TMEM117: variants seen among roughly 807,000 people sequenced by gnomAD.
TMEM117 encodes transmembrane protein 117.
A neutral mutation model predicts 52.4 loss-of-function variants in TMEM117; 27 were observed. The ratio of observed to expected loss-of-function variants is 0.51; its 90% CI spans 0.38 to 0.71. The LOEUF (loss-of-function observed/expected upper bound fraction) is 0.71. Among genes scored for constraint, TMEM117 ranks in the 30% least tolerant of loss-of-function variants. The probability of loss-of-function intolerance (pLI) is 0.00; values close to 1 mark genes in which losing one functional copy is unlikely to be tolerated. For synonymous variants in TMEM117, 215 were observed against 206.3 expected (o/e 1.04, Z -0.36); for missense variants, 556 against 630.5 (o/e 0.88, Z 1.26).
At chr12:44,143,356 A>G (rs932748647) in intron 3 of TMEM117, among the ~76,000 whole-genome samples, 169 bp from the exon 4 acceptor site, 2 of 152,146 alleles carry the variant, frequency 1.3e-5, no homozygotes, top group Non-Finnish European at 2.9e-5. Flanking sequence ...TGACCCAGAC[A>G]CCCTGAGAGC....
chr12:43,798,508 T>C, the TMEM117 span: 1 of 1,446,268 alleles, frequency 6.9e-7, no homozygotes, highest in Non-Finnish European at 9.1e-7. Context: ...ATGGAGATTC[T>C]ACAGCATAAA....
intron 4 of TMEM117, among the ~76,000 whole-genome samples, chr12:44,147,091 A>C (rs1455566446): frequency 6.6e-6 from 1 of 152,184 alleles, no homozygotes; most frequent in Admixed American, 6.5e-5. Flanking sequence ...CTCAGGGTTA[A>C]GGGTACTAAT....
At chr12:43,940,439 A>T (rs569851629) in intron 2 of TMEM117, among the ~76,000 whole-genome samples, 2 of 152,216 alleles carry the variant, frequency 1.3e-5, no homozygotes, top group African/African-American at 4.8e-5. Flanking sequence ...TGGTGAAGAG[A>T]ACACAGCAGC....
At chr12:44,092,410 G>A (rs947523736) in intron 3 of TMEM117, among the ~76,000 whole-genome samples, 1 of 152,176 alleles carries the variant, frequency 6.6e-6, no homozygotes, top group Non-Finnish European at 1.5e-5. Context: ...ATCAGAGCTT[G>A]ACATTTAGAA....
At chr12:44,215,966 G>C (rs1445003670) in intron 5 of TMEM117, among the ~76,000 whole-genome samples, 2 of 150,444 alleles carry the variant, frequency 1.3e-5, no homozygotes, top group Non-Finnish European at 3.0e-5. Context: ...TATTCAATGA[G>C]ATGCACTGAA....
intron 5 of TMEM117, among the ~76,000 whole-genome samples, chr12:44,230,466 T>A (rs968487663): frequency 3.9e-5 from 6 of 152,038 alleles, no homozygotes; most frequent in Non-Finnish European, 5.9e-5. Context: ...TTTTCATTAC[T>A]GTGGAATCAG....
At chr12:44,203,205 A>C (rs1452596938) in intron 4 of TMEM117, among the ~76,000 whole-genome samples, 1 of 152,184 alleles carries the variant, frequency 6.6e-6, no homozygotes, top group African/African-American at 2.4e-5. Flanking sequence ...ATATGTTACC[A>C]GGAATTTATC....
intron 2 of TMEM117, among the ~76,000 whole-genome samples, chr12:43,894,253 G>A (rs1017081778): frequency 1.3e-5 from 2 of 152,102 alleles, no homozygotes; most frequent in Admixed American, 6.5e-5. Flanking sequence ...CATTTTCAAG[G>A]TGTTGGTTGG....
intron 7 of TMEM117, 49 bp downstream of exon 7, chr12:44,376,773 G>A: frequency 6.5e-7 from 1 of 1,535,044 alleles, no homozygotes; most frequent in Non-Finnish European, 8.8e-7. Flanking sequence ...ACATTAGTTA[G>A]GGTAATGCTA....
At chr12:43,978,736 T>G (rs1018323482) in intron 3 of TMEM117, among the ~76,000 whole-genome samples, 1 of 152,292 alleles carries the variant, frequency 6.6e-6, no homozygotes, top group East Asian at 1.9e-4. Context: ...GAAGTAATTC[T>G]TATGACATCA....
intron 3 of TMEM117, among the ~76,000 whole-genome samples, chr12:43,957,808 T>C (rs568551116): frequency 1.3e-5 from 2 of 152,366 alleles, no homozygotes; most frequent in East Asian, 3.9e-4. Flanking sequence ...AAAGGCTTGC[T>C]TGGTCTTTTC....
intron 2 of TMEM117, among the ~76,000 whole-genome samples, chr12:43,936,556 G>C (rs1464979305): frequency 6.6e-6 from 1 of 152,156 alleles, no homozygotes; most frequent in Non-Finnish European, 1.5e-5. Context: ...GACAAGGACT[G>C]AGGACAGACC....
At chr12:43,857,064 G>A (rs74864280) in intron 2 of TMEM117, among the ~76,000 whole-genome samples, 2,056 of 152,184 alleles carry the variant, frequency 0.014, 34 homozygotes, top group African/African-American at 0.048. Context: ...CAAGGACATG[G>A]CCATTTCCTC....
rs1224758032 is a variant in TMEM117 at position 44,387,565 on chromosome 12, T to A, written c.899-461T>A. On this transcript the variant is annotated intron_variant, in intron 7 of 7. Transcript: ENST00000266534. Reference sequence around the variant, plus strand: ...CAAACAGCAATATGAATTAATTTGATATACTGCTGTGCTTGCATTGCAAAA... The same window carrying A: ...CAAACAGCAATATGAATTAATTTGAAATACTGCTGTGCTTGCATTGCAAAA... Among the ~76,000 whole-genome samples the A allele has an allele frequency of 4.6e-5, 7 of 152,284 alleles. No homozygotes were observed. In the East Asian group the frequency reaches 1.3e-3, roughly 29 times the overall value.
chr12:43,933,676 C>G (rs975354240), intron 2 of TMEM117, among the ~76,000 whole-genome samples: 1 of 151,988 alleles, frequency 6.6e-6, no homozygotes. Flanking sequence ...TATTCTTCTG[C>G]CTCAGCCTCC....
chr12:43,985,257 A>C lies in TMEM117; in HGVS notation c.410+40915A>C, dbSNP rs538997029. 3.9e-5 allele frequency among the ~76,000 whole-genome samples: 6 copies of C among 152,292 alleles called. No individual in the cohort carries two copies. In the East Asian group the frequency reaches 1.2e-3, roughly 29 times the overall value. On this transcript the variant is annotated intron_variant, in intron 3 of 7. Coordinates refer to ENST00000266534, the MANE Select transcript of TMEM117 (RefSeq NM_032256.3). ...AGTTATTTTAAAGTCATTTTATTGC[A>C]AGAAAAACAGCAGGATCCTGCCAAA... is the stretch of plus-strand genomic sequence containing the variant.
In TMEM117 at chr12:44,388,897, C is replaced by A; in HGVS notation, c.*225C>A. ...ACAGTCCTCTAGAGATTGCTTTTCA[C>A]AATTGCACAAGCTATTACTGACTTT... On this transcript the variant is annotated 3_prime_UTR_variant, in exon 8 of 8. Coordinates refer to ENST00000266534, the MANE Select transcript of TMEM117 (RefSeq NM_032256.3). The A allele has an allele frequency of 1.9e-6, 1 of 531,010 alleles. No homozygotes were observed. 32.9% of individuals were successfully genotyped at this position (531,010 alleles called of 1,614,324 possible).
intron 3 of TMEM117, among the ~76,000 whole-genome samples, chr12:43,991,885 A>T (rs1945948058): frequency 6.6e-6 from 1 of 152,140 alleles, no homozygotes; most frequent in African/African-American, 2.4e-5. Flanking sequence ...CCCATTTTCC[A>T]CACTGAAGCC....
At chr12:44,141,313 T>C (rs773407293) in intron 3 of TMEM117, among the ~76,000 whole-genome samples, 1 of 152,070 alleles carries the variant, frequency 6.6e-6, no homozygotes, top group East Asian at 1.9e-4. Flanking sequence ...GGGTTTGTTT[T>C]ACAGATTGTT....
Sources: gnomAD v4.1 joint callset for allele counts (sites outside exome capture counted in the v4.1 genomes callset) on GRCh38, gnomAD v4.1.1 for gene constraint, MANE v1.5 for transcripts, NCBI Gene and HGNC (gene_info 2026-07-23, HGNC 2026-07-21) for gene names.